The following CUX1 variants were observed in gnomAD, a reference collection of about 807,000 sequenced individuals.
The protein encoded by CUX1 is cut like homeobox 1.
A neutral mutation model predicts 158.8 loss-of-function variants in CUX1; 31 were observed. The ratio of observed to expected loss-of-function variants is 0.20; its 90% confidence interval spans 0.15 to 0.26. CUX1 has a LOEUF of 0.26. CUX1 is among the 10% of genes least tolerant of loss of function. The probability of loss-of-function intolerance (pLI) is 1.00; values close to 1 mark genes in which losing one functional copy is unlikely to be tolerated. For synonymous variants in CUX1, 879 were observed against 862.1 expected (o/e 1.02, Z -0.34); for missense variants, 1,589 against 2,014.6 (o/e 0.79, Z 4.04).
intron 5 of CUX1, among the ~76,000 whole-genome samples, chr7:102,097,715 T>A (rs572081545): frequency 3.1e-4 from 46 of 148,998 alleles, no homozygotes; most frequent in Admixed American, 2.7e-3. Context: ...AACAACGACG[T>A]AAGATTTTAT....
Position 102,202,034 on chromosome 7 carries a change from T to G in CUX1, c.2737T>G (p.Ser913Ala). Residue 913 changes from serine (S) to alanine (A), a missense_variant, in exon 18 of 24, where the codon TCC becomes GCC. Physicochemically the swap from Ser to Ala is moderately conservative, Grantham distance 99. Transcript: ENST00000292535. ...GACACCACAGAACAGCCCCCTGCCA[T>G]CCTCCCCGATCGTGCCCATGTCCAA... Reference protein sequence around the residue: ...SETPQNSPLPSSPIVPMSKPT... With the variant: ...SETPQNSPLPASPIVPMSKPT... 1 of 1,613,658 alleles carries G rather than the reference T, an allele frequency of 6.2e-7. No individual in the cohort carries two copies. Among genetic ancestry groups the G allele is most frequent in the Non-Finnish European group, 8.5e-7 (1 of 1,179,926 alleles).
At chr7:101,927,065 T>C (rs1805674225) in intron 2 of CUX1, among the ~76,000 whole-genome samples, 1 of 152,030 alleles carries the variant, frequency 6.6e-6, no homozygotes, top group Non-Finnish European at 1.5e-5. Flanking sequence ...TGATCAAGGA[T>C]GGGCGAAGGT....
intron 1 of CUX1, among the ~76,000 whole-genome samples, chr7:101,847,035 T>A (rs1795779376): frequency 6.6e-6 from 1 of 152,106 alleles, no homozygotes; most frequent in African/African-American, 2.4e-5. Context: ...TCTCAGCTAC[T>A]GAGGAGGCCG....
intron 6 of CUX1, among the ~76,000 whole-genome samples, chr7:102,106,490 G>A (rs1554488499): frequency 1.3e-5 from 2 of 152,090 alleles, no homozygotes; most frequent in Non-Finnish European, 2.9e-5. Context: ...ACAGGGCCTG[G>A]AGAGAAGCAG....
At chr7:102,003,098 C>T (rs984881403) in intron 2 of CUX1, among the ~76,000 whole-genome samples, 1 of 151,974 alleles carries the variant, frequency 6.6e-6, no homozygotes, top group African/African-American at 2.4e-5. Context: ...GACAGGGTTT[C>T]GTGTTGGCCA....
Position 102,083,971 on chromosome 7 carries a change from C to T in CUX1, c.269-13393C>T, listed in dbSNP as rs553651183. Among the ~76,000 whole-genome samples the T allele has an allele frequency of 4.1e-5, 6 of 146,132 alleles. No homozygotes were observed. In the East Asian group the frequency reaches 1.2e-3, roughly 28 times the overall value. ...CGCGATCTCAGCTCAGTGCAACCAC[C>T]GCCTCCCAGATTCAAGCAATTCTCC... On this transcript the variant is annotated intron_variant, in intron 4 of 23. Transcript: ENST00000292535.
intron 2 of CUX1, among the ~76,000 whole-genome samples, chr7:101,995,356 C>A (rs1403171519): frequency 6.6e-6 from 1 of 152,202 alleles, no homozygotes; most frequent in African/African-American, 2.4e-5. Context: ...ACGCCAGGTG[C>A]ATCCTGTTCT....
intron 4 of CUX1, among the ~76,000 whole-genome samples, chr7:102,087,383 C>G (rs1828055953): frequency 6.6e-6 from 1 of 152,178 alleles, no homozygotes. Context: ...CAGTTTTAGA[C>G]CAGCCTGACC....
In CUX1 at chr7:101,893,441, ACAT is replaced by A. The variant is rs1801116683; in HGVS notation, c.31-22671_31-22669del. 2.0e-5 allele frequency among the ~76,000 whole-genome samples: 3 copies of A among 152,264 alleles called. No individual in the cohort carries two copies. In the South Asian group the frequency reaches 6.2e-4, roughly 32 times the overall value. On this transcript the variant is annotated intron_variant, in intron 1 of 23. Transcript: ENST00000292535. ...GCCTTGTAGACGGAAAGTTCTGGAA[ACAT>A]CAGCTCCAGGCTGTGGTGTGAAGCT...
Position 102,248,505 on chromosome 7 carries a change from C to T in CUX1, c.3981C>T (p.Gly1327=). 1 of 1,556,634 alleles carries T rather than the reference C, an allele frequency of 6.4e-7. No homozygotes were observed. The highest frequency in any genetic ancestry group is 1.2e-5 in the South Asian group (1 of 86,436). ...GCGACTCACCCTCGGCCCGCAGCGG[C>T]CGGGCGGCGCCCAGCTCGGAGGGCG... The part of the protein sequence containing the change: ...GASDSPSARS[G]RAAPSSEGDS... Residue 1327 remains glycine, a synonymous_variant, in exon 24 of 24, where the codon GGC becomes GGT. Coordinates refer to ENST00000292535, the MANE Select transcript of CUX1 (RefSeq NM_181552.4). The surrounding 1 kb of genome is among the most constrained non-coding windows in gnomAD (Gnocchi z 5.8).
chr7:101,865,536 C>T (rs1016852656), intron 1 of CUX1, among the ~76,000 whole-genome samples: 38 of 152,294 alleles, frequency 2.5e-4, no homozygotes, highest in African/African-American at 8.9e-4. Context: ...TCTACTTTAG[C>T]GTATTGTTGT....
At chr7:101,951,973 A>G (rs997655056) in intron 2 of CUX1, among the ~76,000 whole-genome samples, 1 of 152,250 alleles carries the variant, frequency 6.6e-6, no homozygotes, top group Non-Finnish European at 1.5e-5. Context: ...GCGTGGCTGT[A>G]TGCCGATAAA....
In CUX1 at chr7:102,245,618, TTAA is replaced by T. The variant is rs781798682; in HGVS notation, c.3888-2790_3888-2788del. On this transcript the variant is annotated intron_variant, in intron 23 of 23. Transcript: ENST00000292535. Reference sequence around the variant, plus strand: ...CATACATTTAATACCTTATTTAATCTTAATAACTTCTCTGCAAGGAAGATACCA... The same window carrying T: ...CATACATTTAATACCTTATTTAATCTTAACTTCTCTGCAAGGAAGATACCA... Among the ~76,000 whole-genome samples, 15 of 152,338 alleles carry T rather than the reference TTAA, an allele frequency of 9.8e-5. 1 individual carries two copies. In the Middle Eastern group the frequency reaches 0.01, roughly 104 times the overall value.
At chr7:102,154,923 C>T (rs1196007626) in intron 8 of CUX1, among the ~76,000 whole-genome samples, 5 of 152,252 alleles carry the variant, frequency 3.3e-5, no homozygotes, top group Non-Finnish European at 7.3e-5. Flanking sequence ...CAGTCCCCAT[C>T]CACCTCCCAA....
Position 101,916,102 on chromosome 7 carries a change from GT to G in CUX1, c.31-10del. On this transcript the variant is annotated splice_polypyrimidine_tract_variant and intron_variant, in intron 1 of 23. Transcript: ENST00000292535. This position sits in a 1 kb window ranked among gnomAD's most constrained non-coding sequence, Gnocchi z 4.4. ...ATTACAATCTCACTTTTCCTTTCCTGTTTCCCCAACAGAGAGAACTCGATGC... is the reference window on the plus strand; with the variant it reads ...ATTACAATCTCACTTTTCCTTTCCTGTTCCCCAACAGAGAGAACTCGATGC... The G allele has an allele frequency of 6.3e-7, 1 of 1,593,418 alleles. No homozygotes were observed. The highest frequency in any genetic ancestry group is 8.6e-7 in the Non-Finnish European group (1 of 1,161,528).
chr7:101,928,431 C>T (rs555609850), intron 2 of CUX1, among the ~76,000 whole-genome samples: 44 of 146,152 alleles, frequency 3.0e-4, no homozygotes, highest in African/African-American at 9.9e-4. Flanking sequence ...AGTGCAGTGG[C>T]GCGATCTTGG....
At chr7:101,855,273 C>T (rs1290976384) in intron 1 of CUX1, among the ~76,000 whole-genome samples, 2 of 152,238 alleles carry the variant, frequency 1.3e-5, no homozygotes, top group Non-Finnish European at 2.9e-5. Context: ...CCTCCCAAAC[C>T]CTGTAGCCCT....
At position 102,151,727 on chromosome 7, in the gene CUX1, CAAAAAAAAAAAA is replaced by C. The variant is rs1159017025; in HGVS notation, c.675-6813_675-6802del. Among the ~76,000 whole-genome samples the C allele has an allele frequency of 4.9e-4, 19 of 38,876 alleles. No individual in the cohort carries two copies. In the East Asian group the frequency reaches 6.9e-3, roughly 14 times the overall value. The allele number at this position is 38,876 out of a possible 152,430, so 25.5% of individuals were successfully genotyped here. On this transcript the variant is annotated intron_variant, in intron 8 of 23. Transcript: ENST00000292535. Reference sequence around the variant, plus strand: ...TGGGCGACAGAGTGAGACTCTGTCTCAAAAAAAAAAAAAAAAAAAAAAAAAAAAAAACCTGGT... The same window carrying C: ...TGGGCGACAGAGTGAGACTCTGTCTCAAAAAAAAAAAAAAAAAAACCTGGT...
chr7:101,827,973 G>GTTT (rs112801049), intron 1 of CUX1, among the ~76,000 whole-genome samples: 4 of 98,700 alleles, frequency 4.1e-5, no homozygotes, highest in African/African-American at 1.7e-4. Context: ...GGTATAACTT[G>GTTT]TTTTTTTTTT....
Sources: allele counts gnomAD v4.1 joint callset (sites outside exome capture counted in the v4.1 genomes callset), GRCh38; gene constraint gnomAD v4.1.1; non-coding constraint Gnocchi (gnomAD v3.1); transcripts MANE v1.5; gene names NCBI Gene and HGNC (gene_info 2026-07-23, HGNC 2026-07-21).